Variants in ECE1 observed in about 807,000 individuals in gnomAD.
The protein encoded by ECE1 is endothelin-converting enzyme 1.
Under a neutral mutation model 98.6 loss-of-function variants are expected in ECE1, and 35 were observed. That is an observed-to-expected ratio of 0.35 (90% CI 0.27 to 0.47). The LOEUF (loss-of-function observed/expected upper bound fraction) is 0.47. Among genes scored for constraint, ECE1 ranks in the 20% least tolerant of loss-of-function variants. The probability of loss-of-function intolerance (pLI) is 1.00; values close to 1 mark genes in which losing one functional copy is unlikely to be tolerated. For missense variants in ECE1, 814 were observed against 1,025.3 expected, an observed-to-expected ratio of 0.79 and a Z score of 2.81; for synonymous variants, 394 against 407.1, an observed-to-expected ratio of 0.97 and a Z score of 0.39.
chr1:21,314,072 C>T (rs169884), intron 1 of ECE1, among the ~76,000 whole-genome samples: 17,149 of 152,236 alleles, frequency 0.11, 1,192 homozygotes, highest in East Asian at 0.37. Context: ...TTCTAGGTTC[C>T]GTGCTAAGCA....
chr1:21,263,103 T>C (rs2098229198), intron 4 of ECE1, among the ~76,000 whole-genome samples: 1 of 152,166 alleles, frequency 6.6e-6, no homozygotes, highest in African/African-American at 2.4e-5. Context: ...GGAAGCTTCG[T>C]TTGAGCTTCG....
intron 1 of ECE1, among the ~76,000 whole-genome samples, chr1:21,311,306 G>C (rs959557725): frequency 7.2e-5 from 11 of 151,966 alleles, no homozygotes; most frequent in African/African-American, 2.7e-4. Flanking sequence ...GCCCTCCTCT[G>C]TCCACCCATT....
rs572540064 is a variant in ECE1 at position 21,283,734 on chromosome 1, CTGTT to C, written c.139-4406_139-4403del. On this transcript the variant is annotated intron_variant, in intron 2 of 18. Transcript: ENST00000374893. ...CCACAGGAAGTGGAGCTGACCCTCA[CTGTT>C]TGATGCAAAGTGCTGAATCTAAACA... is the stretch of plus-strand genomic sequence containing the variant. Among the ~76,000 whole-genome samples, 21 of 152,344 alleles carry C rather than the reference CTGTT, an allele frequency of 1.4e-4. No homozygotes were observed. In the South Asian group the frequency reaches 4.1e-3, roughly 30 times the overall value.
chr1:21,242,705 C>T (rs780186878), intron 10 of ECE1, among the ~76,000 whole-genome samples: 32 of 152,226 alleles, frequency 2.1e-4, no homozygotes, highest in Non-Finnish European at 4.4e-4. Flanking sequence ...CCACTTGCTC[C>T]AAGTGCCATA....
chr1:21,330,132 AC>A (rs1639168181), intron 1 of ECE1, among the ~76,000 whole-genome samples: 1 of 101,182 alleles, frequency 9.9e-6, no homozygotes, highest in East Asian at 2.6e-4. Context: ...CTCACTAAAT[AC>A]TTTTTTTTTT....
intron 1 of ECE1, among the ~76,000 whole-genome samples, chr1:21,302,704 C>G (rs773132373): frequency 6.6e-6 from 1 of 152,204 alleles, no homozygotes; most frequent in Non-Finnish European, 1.5e-5. Context: ...GAGTTCAAGC[C>G]GAGTGCTCCC....
rs897825489 is a variant in ECE1 at position 21,290,438 on chromosome 1, C to T, written c.-24G>A. 7 of 1,230,224 alleles carry T rather than the reference C, an allele frequency of 5.7e-6. No individual in the cohort carries two copies. The highest frequency in any genetic ancestry group is 7.1e-6 in the Non-Finnish European group (7 of 987,286). 76.2% of individuals were successfully genotyped at this position (1,230,224 alleles called of 1,614,324 possible). On this transcript the variant is annotated 5_prime_UTR_variant, in exon 1 of 19. Transcript: ENST00000374893. The surrounding 1 kb of genome is among the most constrained non-coding windows in gnomAD (Gnocchi z 7.3). ...ATGCTGTGCCCCAGACGCCTGGTCC[C>T]GCTGCCCGGGTGGCCGGGATGGGAT...
chr1:21,236,868 G>A, intron 11 of ECE1, 24 bp from the exon 12 acceptor site: 1 of 1,603,340 alleles, frequency 6.2e-7, no homozygotes, highest in Non-Finnish European at 8.5e-7. Flanking sequence ...CATCACAGCA[G>A]TAAGGTCTGC....
At chr1:21,242,215 G>A (rs212507) in intron 10 of ECE1, among the ~76,000 whole-genome samples, 1,763 of 152,240 alleles carry the variant, frequency 0.012, 28 homozygotes, top group African/African-American at 0.04. Context: ...CCCCAGTGAG[G>A]CAATCTGCCT....
At chr1:21,274,007 G>A (rs1312010756) in intron 3 of ECE1, among the ~76,000 whole-genome samples, 2 of 152,218 alleles carry the variant, frequency 1.3e-5, no homozygotes, top group East Asian at 3.8e-4. Flanking sequence ...CACAGGCCCA[G>A]CCCCATCGTC....
intron 1 of ECE1, among the ~76,000 whole-genome samples, chr1:21,344,283 C>T (rs1447747531): frequency 6.6e-6 from 1 of 152,186 alleles, no homozygotes; most frequent in Admixed American, 6.5e-5. Context: ...ATCCAGGCGC[C>T]CTCGGGCTTG....
chr1:21,236,953 A>G, intron 11 of ECE1, 109 bp from the exon 12 acceptor site: 1 of 1,084,766 alleles, frequency 9.2e-7, no homozygotes, highest in Non-Finnish European at 1.4e-6. Context: ...CAATTTTCCA[A>G]GCGTCAGGCT....
chr1:21,279,337 AG>A lies in ECE1; in HGVS notation c.139-6del. ...CCGGGGGCTGTGGAAGTTCACCTGC[AG>A]GGAAGGAGGCAGGAGGGGCGGGGAA... On this transcript the variant is annotated splice_region_variant and splice_polypyrimidine_tract_variant and intron_variant, in intron 2 of 18. Transcript: ENST00000374893. 6.2e-7 allele frequency: 1 copy of A among 1,614,140 alleles called. No homozygotes were observed. Among genetic ancestry groups the A allele is most frequent in the Non-Finnish European group, 8.5e-7 (1 of 1,179,996 alleles).
At chr1:21,328,678 G>A (rs545061191) in intron 1 of ECE1, among the ~76,000 whole-genome samples, 1 of 149,382 alleles carries the variant, frequency 6.7e-6, no homozygotes, top group Non-Finnish European at 1.5e-5. Flanking sequence ...CAGAAGAATC[G>A]CTTGAACCTG....
chr1:21,290,145 G>A lies in ECE1; in HGVS notation c.63C>T (p.Tyr21=), dbSNP rs1473189559. The stretch of plus-strand genomic sequence containing the variant: ...CCTCCTCGTCCAGCGTGGCCCGCTT[G>A]TACGTCGACATCTGCAAGGCCAAAT... ...ALLSALGMST[Y]KRATLDEEDL... The change falls in exon 2 of 19, where the codon TAC becomes TAT. Residue 21 remains tyrosine, a synonymous_variant. Coordinates refer to ENST00000374893, the MANE Select transcript of ECE1 (RefSeq NM_001397.3). This position sits in a 1 kb window ranked among gnomAD's most constrained non-coding sequence, Gnocchi z 7.3. 2.6e-6 allele frequency: 4 copies of A among 1,565,672 alleles called. No homozygotes were observed. The highest frequency in any genetic ancestry group is 3.6e-5 in the Admixed American group (2 of 55,080).
rs1014992095 is a variant in ECE1 at position 21,319,720 on chromosome 1, G to T, written c.3+25656C>A. On this transcript the variant is annotated intron_variant, in intron 1 of 18. Coordinates refer to the ECE1 transcript ENST00000415912. The surrounding 1 kb of genome is among the most constrained non-coding windows in gnomAD (Gnocchi z 4.4). ...CTCGCCACTCCCTACCAGGCACCGG[G>T]AGGCACGGCTCACTGTTCCCTAGTT... Among the ~76,000 whole-genome samples, 18 of 152,184 alleles carry T rather than the reference G, an allele frequency of 1.2e-4. No homozygotes were observed. Among genetic ancestry groups the T allele is most frequent in the African/African-American group, 2.9e-4 (12 of 41,442 alleles).
Position 21,264,316 on chromosome 1 carries a change from C to CGG in ECE1, c.494-3925_494-3924insCC, listed in dbSNP as rs1221122957. ...GCACTGGAATATACCAATTCCCCCCCCCCCTTTTTTTTTTTTGACACTGAG... is the reference window on the plus strand; with the variant it reads ...GCACTGGAATATACCAATTCCCCCCCGGCCCCTTTTTTTTTTTTGACACTGAG... On this transcript the variant is annotated intron_variant, in intron 4 of 18. Transcript: ENST00000374893. Among the ~76,000 whole-genome samples the CGG allele has an allele frequency of 2.0e-4, 16 of 80,254 alleles. 1 individual carries two copies. The highest frequency in any genetic ancestry group is 1.2e-3 in the Admixed American group (10 of 8,380). The allele number at this position is 80,254 out of a possible 152,430, so 52.6% of individuals were successfully genotyped here.
chr1:21,251,501 C>A (rs187799728), intron 8 of ECE1, among the ~76,000 whole-genome samples: 1 of 152,144 alleles, frequency 6.6e-6, no homozygotes, highest in African/African-American at 2.4e-5. Context: ...GGCAACAGGG[C>A]GAAGCTCTGT....
At chr1:21,226,585 G>A (rs538525316) in intron 16 of ECE1, among the ~76,000 whole-genome samples, 1 of 152,250 alleles carries the variant, frequency 6.6e-6, no homozygotes, top group South Asian at 2.1e-4. Context: ...AGGCAGTGGT[G>A]CAATCATAAT....
Sources: gnomAD v4.1 joint callset for allele counts (sites outside exome capture counted in the v4.1 genomes callset) on GRCh38, gnomAD v4.1.1 for gene constraint, Gnocchi (gnomAD v3.1) non-coding constraint, MANE v1.5 for transcripts, NCBI Gene and HGNC (gene_info 2026-07-23, HGNC 2026-07-21) for gene names.